Variants in COL4A2 observed in about 807,000 individuals in gnomAD.
COL4A2 encodes collagen alpha-2(IV) chain.
COL4A2 carries 99 observed loss-of-function variants against 200.2 expected under a neutral mutation model. The ratio of observed to expected loss-of-function variants is 0.49; its 90% CI spans 0.42 to 0.58. The LOEUF (loss-of-function observed/expected upper bound fraction) is 0.58, where lower values mean the gene tolerates loss of function less well. COL4A2 is among the 20% of genes least tolerant of loss of function. COL4A2 has a pLI of 0.00. For missense variants in COL4A2, 1,950 were observed against 2,314.1 expected, an observed-to-expected ratio of 0.84 and a Z score of 3.23; for synonymous variants, 897 against 900.6, an observed-to-expected ratio of 1.00 and a Z score of 0.07.
Position 110,357,453 on chromosome 13 carries a change from T to G in COL4A2, c.100-19T>G. On this transcript the variant is annotated intron_variant, in intron 3 of 47. Transcript: ENST00000360467. ...AATGTTTAGGTAACTTTTCTTTGCC[T>G]TGTGTTTTATTGTTGCAGGGTGTGA... is the stretch of plus-strand genomic sequence containing the variant. 6.4e-7 allele frequency: 1 copy of G among 1,574,050 alleles called. No individual in the cohort carries two copies. Among genetic ancestry groups the G allele is most frequent in the South Asian group, 1.2e-5 (1 of 85,838 alleles).
chr13:110,461,935 A>C, intron 22 of COL4A2, 179 bp from the exon 23 acceptor site: 1 of 858,348 alleles, frequency 1.2e-6, no homozygotes, highest in Non-Finnish European at 1.8e-6. Flanking sequence ...CAGTGGCCCC[A>C]CACTGGACAG....
chr13:110,367,167 A>G (rs1019250509), intron 4 of COL4A2, among the ~76,000 whole-genome samples: 1 of 152,218 alleles, frequency 6.6e-6, no homozygotes, highest in African/African-American at 2.4e-5. Context: ...TGAGCGTGTG[A>G]AAAATCCCCA....
chr13:110,313,987 C>CT (rs1885065526), intron 3 of COL4A2, among the ~76,000 whole-genome samples: 1 of 152,354 alleles, frequency 6.6e-6, no homozygotes, highest in South Asian at 2.1e-4. Context: ...AAGCAACATG[C>CT]TTTTTTGTAA....
At chr13:110,470,827 G>T (rs1415497444) in intron 28 of COL4A2, among the ~76,000 whole-genome samples, 2 of 152,158 alleles carry the variant, frequency 1.3e-5, no homozygotes, top group Non-Finnish European at 2.9e-5. Context: ...CTGATAGATG[G>T]TATCTTTCGG....
chr13:110,340,929 G>A (rs1262186155), intron 3 of COL4A2: 2 of 152,394 alleles, frequency 1.3e-5, no homozygotes, highest in South Asian at 2.1e-4. Flanking sequence ...CTCCCAACAG[G>A]AGGAGGAGTA....
intron 20 of COL4A2, among the ~76,000 whole-genome samples, chr13:110,455,600 C>A (rs1333891873): frequency 1.3e-5 from 2 of 152,186 alleles, no homozygotes; most frequent in Non-Finnish European, 2.9e-5. Context: ...GGTTTCATTT[C>A]CAGTTGTATA....
chr13:110,420,568 T>C (rs1248590976), intron 4 of COL4A2, among the ~76,000 whole-genome samples: 4 of 152,222 alleles, frequency 2.6e-5, no homozygotes, highest in Non-Finnish European at 4.4e-5. Context: ...GCAAAGACAT[T>C]TAAACTAGAC....
intron 3 of COL4A2, among the ~76,000 whole-genome samples, chr13:110,318,475 A>C (rs1356989026): frequency 1.3e-5 from 2 of 152,156 alleles, no homozygotes; most frequent in Non-Finnish European, 2.9e-5. Flanking sequence ...TTTTGTATGC[A>C]GTTGTACTCA....
chr13:110,397,039 G>A (rs1879204307), intron 4 of COL4A2, among the ~76,000 whole-genome samples: 2 of 152,156 alleles, frequency 1.3e-5, no homozygotes, highest in Admixed American at 6.5e-5. Flanking sequence ...TTTATTCACA[G>A]CCTGCTACCA....
intron 39 of COL4A2, among the ~76,000 whole-genome samples, chr13:110,495,063 C>T (rs768222082): frequency 7.9e-5 from 12 of 152,230 alleles, no homozygotes; most frequent in Non-Finnish European, 1.5e-4. Flanking sequence ...CGGGAGGGGT[C>T]CCAGCTCCTT....
intron 3 of COL4A2, among the ~76,000 whole-genome samples, chr13:110,338,149 T>C (rs61964324): frequency 1.8e-4 from 27 of 152,374 alleles, no homozygotes; most frequent in South Asian, 1.0e-3. Flanking sequence ...ATGTGCATTT[T>C]ATTATATTCT....
intron 4 of COL4A2, among the ~76,000 whole-genome samples, chr13:110,407,099 C>T (rs1029893219): frequency 3.9e-5 from 6 of 152,150 alleles, no homozygotes; most frequent in Non-Finnish European, 7.4e-5. Context: ...GATATAAACC[C>T]GGTGGGATGG....
intron 40 of COL4A2, among the ~76,000 whole-genome samples, chr13:110,500,365 G>A (rs555763605): frequency 6.6e-6 from 1 of 152,302 alleles, no homozygotes; most frequent in South Asian, 2.1e-4. Context: ...CCAGCCCGAG[G>A]TAAAACAAAA....
chr13:110,370,212 G>GAA (rs145251384), intron 4 of COL4A2, among the ~76,000 whole-genome samples: 101,224 of 148,254 alleles, frequency 0.68, 34,775 homozygotes, highest in East Asian at 0.83. Context: ...CCAAAAAAAA[G>GAA]AAAAAAAAAA....
At chr13:110,400,534 C>A (rs1157236906) in intron 4 of COL4A2, among the ~76,000 whole-genome samples, 1 of 152,130 alleles carries the variant, frequency 6.6e-6, no homozygotes, top group Non-Finnish European at 1.5e-5. Flanking sequence ...ACTTCTGATT[C>A]CTTGAATCTA....
chr13:110,359,558 GC>G (rs1196730150), intron 4 of COL4A2, among the ~76,000 whole-genome samples: 1 of 152,194 alleles, frequency 6.6e-6, no homozygotes, highest in African/African-American at 2.4e-5. Flanking sequence ...AATTATAACA[GC>G]CCTTGGGTGT....
In COL4A2 at chr13:110,462,136, C is replaced by A. The variant is rs768454203; in HGVS notation, c.1619C>A (p.Ala540Asp). 1.2e-6 allele frequency: 2 copies of A among 1,614,264 alleles called. No individual in the cohort carries two copies. The highest frequency in any genetic ancestry group is 1.7e-6 in the Non-Finnish European group (2 of 1,180,060). Residue 540 changes from alanine to aspartate, a missense_variant, in exon 23 of 48, where the codon GCT becomes GAT. This residue lies in a region of COL4A2 where 1,385 missense variants were observed against 1,720.5 expected (regional missense o/e 0.80). Transcript: ENST00000360467. ...GLKGVPGNIG[A>D]PGPKGAKGDS... ...CAGGGAGTGCCTGGCAACATTGGTG[C>A]TCCCGGACCCAAAGGAGCAAAAGGA...
chr13:110,346,103 C>A (rs1876689507), intron 3 of COL4A2, among the ~76,000 whole-genome samples: 1 of 152,126 alleles, frequency 6.6e-6, no homozygotes, highest in Non-Finnish European at 1.5e-5. Context: ...GCAATGAAGG[C>A]CAGTGAGAGG....
intron 41 of COL4A2, 128 bp downstream of exon 41, chr13:110,501,912 G>A (rs1883658412): frequency 1.1e-6 from 1 of 894,672 alleles, no homozygotes; most frequent in Non-Finnish European, 1.8e-6. Context: ...AAAGAGGCAG[G>A]AGCCATGATG....
Sources: gnomAD v4.1 joint callset for allele counts (sites outside exome capture counted in the v4.1 genomes callset) on GRCh38, gnomAD v4.1.1 for gene constraint, gnomAD v4.1.1 regional missense constraint, MANE v1.5 for transcripts, NCBI Gene and HGNC (gene_info 2026-07-23, HGNC 2026-07-21) for gene names.